Variants in MBNL2 observed in about 807,000 individuals in gnomAD.
MBNL2 encodes the protein muscleblind-like protein 2.
Under a neutral mutation model 41.9 loss-of-function variants are expected in MBNL2, and 17 were observed. The ratio of observed to expected loss-of-function variants is 0.41; its 90% CI spans 0.28 to 0.61. The LOEUF is 0.61. Ranked by LOEUF, MBNL2 falls within the 20% of genes least tolerant of loss-of-function variation. The pLI, the probability that MBNL2 is intolerant of heterozygous loss-of-function variation, is 0.35. For synonymous variants in MBNL2, 195 were observed against 182.9 expected (o/e 1.07, Z -0.53); for missense variants, 336 against 505.6 (o/e 0.66, Z 3.22).
At chr13:97,319,033 T>C (rs2059283137) in intron 2 of MBNL2, among the ~76,000 whole-genome samples, 1 of 151,832 alleles carries the variant, frequency 6.6e-6, no homozygotes, top group Admixed American at 6.6e-5. Context: ...TCAGAAAGGG[T>C]GAGTGAGCAA....
chr13:97,223,256 G>A (rs1326562327), intron 1 of MBNL2, among the ~76,000 whole-genome samples: 1 of 152,194 alleles, frequency 6.6e-6, no homozygotes, highest in Non-Finnish European at 1.5e-5. Flanking sequence ...ACAGCCAGCA[G>A]AATAATTTAA....
the MBNL2 span, among the ~76,000 whole-genome samples, chr13:97,145,318 T>TA: frequency 7.3e-5 from 11 of 151,066 alleles, no homozygotes; most frequent in South Asian, 2.1e-4. Context: ...AAACAAAGGC[T>TA]AAAAAAAGCA....
chr13:97,287,272 T>A (rs2054662646), intron 2 of MBNL2, among the ~76,000 whole-genome samples: 2 of 152,124 alleles, frequency 1.3e-5, no homozygotes, highest in Non-Finnish European at 2.9e-5. Context: ...ACTTCATCGT[T>A]CCCAAAAACT....
chr13:97,363,881 A>G (rs2063631939), intron 7 of MBNL2, among the ~76,000 whole-genome samples: 1 of 151,724 alleles, frequency 6.6e-6, no homozygotes, highest in African/African-American at 2.4e-5. Context: ...TCCAGCGTGA[A>G]CAGCTCCACA....
rs184294746 is a variant in MBNL2 at position 97,229,307 on chromosome 13, G to A, written c.-605+6776G>A. Among the ~76,000 whole-genome samples the A allele has an allele frequency of 5.0e-3, 759 of 151,834 alleles. 6 individuals carry two copies. Among genetic ancestry groups the A allele is most frequent in the Non-Finnish European group, 7.1e-3 (480 of 67,956 alleles). On this transcript the variant is annotated intron_variant, in intron 1 of 8. Coordinates refer to ENST00000679496, the MANE Select transcript of MBNL2 (RefSeq NM_001382683.1). The stretch of plus-strand genomic sequence containing the variant: ...TCCCACAGGAAGAGCTGCCTCCTCT[G>A]GGTCTGAATGGATGTATTTGGTCTG...
chr13:97,372,679 A>G (rs8000986), intron 8 of MBNL2, among the ~76,000 whole-genome samples: 43,162 of 152,054 alleles, frequency 0.28, 6,247 homozygotes, highest in Non-Finnish European at 0.3. Flanking sequence ...CCAGACATAT[A>G]TTATGTTTTA....
chr13:97,193,920 A>G, the MBNL2 span, among the ~76,000 whole-genome samples: 2 of 152,168 alleles, frequency 1.3e-5, no homozygotes, highest in East Asian at 1.9e-4. Flanking sequence ...CTCTCTCGCT[A>G]TGCTCCAGCC....
the MBNL2 span, among the ~76,000 whole-genome samples, chr13:97,211,856 C>T: frequency 2.0e-5 from 3 of 152,228 alleles, no homozygotes; most frequent in African/African-American, 7.2e-5. Flanking sequence ...GAACATTTTA[C>T]GTAAGTTTGA....
At chr13:97,316,459 T>TGCC (rs2059062282) in intron 2 of MBNL2, among the ~76,000 whole-genome samples, 1 of 152,244 alleles carries the variant, frequency 6.6e-6, no homozygotes, top group Non-Finnish European at 1.5e-5. Flanking sequence ...AGAAAACAAG[T>TGCC]TCTTACAATG....
intron 8 of MBNL2, among the ~76,000 whole-genome samples, chr13:97,374,453 G>C (rs535456290): frequency 1.3e-5 from 2 of 151,308 alleles, no homozygotes; most frequent in African/African-American, 4.9e-5. Context: ...GGCCGCAGTG[G>C]TGCAATCTTG....
chr13:97,357,422 G>C, intron 6 of MBNL2, 60 bp from the exon 7 acceptor site: 7 of 1,398,390 alleles, frequency 5.0e-6, no homozygotes, highest in Non-Finnish European at 7.1e-6. Flanking sequence ...TGATCTCTGT[G>C]AACATGGAAG....
chr13:97,187,333 C>T, the MBNL2 span, among the ~76,000 whole-genome samples: 2 of 151,564 alleles, frequency 1.3e-5, no homozygotes, highest in Admixed American at 1.3e-4. Context: ...AGATTTAGTC[C>T]CTGTTCACAT....
intron 2 of MBNL2, among the ~76,000 whole-genome samples, chr13:97,321,630 A>T (rs1458813921): frequency 6.6e-6 from 1 of 152,200 alleles, no homozygotes; most frequent in Admixed American, 6.5e-5. Context: ...CCTGGAAATT[A>T]CCTTAAATCT....
the MBNL2 span, among the ~76,000 whole-genome samples, chr13:97,173,172 C>T: frequency 6.6e-6 from 1 of 152,114 alleles, no homozygotes; most frequent in Non-Finnish European, 1.5e-5. Flanking sequence ...TAGTCTAAAG[C>T]AAAAGGATCC....
the MBNL2 span, among the ~76,000 whole-genome samples, chr13:97,149,420 A>T: frequency 6.6e-6 from 1 of 152,062 alleles, no homozygotes; most frequent in Admixed American, 6.6e-5. Context: ...GAGCAGCCCC[A>T]GTGCTCCCCT....
At chr13:97,305,807 T>G (rs1180433985) in intron 2 of MBNL2, among the ~76,000 whole-genome samples, 3 of 152,050 alleles carry the variant, frequency 2.0e-5, no homozygotes, top group Non-Finnish European at 4.4e-5. Context: ...CCCAGGATTT[T>G]TATATTTTTT....
chr13:97,288,813 C>T (rs1594158494), intron 2 of MBNL2, among the ~76,000 whole-genome samples: 5 of 152,328 alleles, frequency 3.3e-5, no homozygotes, highest in African/African-American at 1.2e-4. Flanking sequence ...CTCCCCTGAG[C>T]ACTGACCTTT....
intron 8 of MBNL2, among the ~76,000 whole-genome samples, chr13:97,379,348 A>G (rs2065226696): frequency 6.6e-6 from 1 of 152,172 alleles, no homozygotes; most frequent in South Asian, 2.1e-4. Context: ...TCTGCCTGAA[A>G]AGAGTCTATC....
chr13:97,321,166 G>C (rs2059467211), intron 2 of MBNL2, among the ~76,000 whole-genome samples: 1 of 152,026 alleles, frequency 6.6e-6, no homozygotes, highest in Non-Finnish European at 1.5e-5. Flanking sequence ...GGTCAACCAG[G>C]GCACTCTGGC....
Sources: gnomAD v4.1 joint callset for allele counts (sites outside exome capture counted in the v4.1 genomes callset) on GRCh38, gnomAD v4.1.1 for gene constraint, MANE v1.5 for transcripts, NCBI Gene and HGNC (gene_info 2026-07-23, HGNC 2026-07-21) for gene names.